The following SERPINI1 variants were observed in gnomAD, a reference collection of about 807,000 sequenced individuals.
The protein encoded by SERPINI1 is serpin family I member 1.
In SERPINI1, 19 loss-of-function variants were observed where a neutral mutation model predicts 41.1. The ratio of observed to expected loss-of-function variants is 0.46; its 90% CI spans 0.32 to 0.68. SERPINI1 has a LOEUF of 0.68. Ranked by LOEUF, SERPINI1 falls within the 30% of genes least tolerant of loss-of-function variation. The pLI, the probability that SERPINI1 is intolerant of heterozygous loss-of-function variation, is 0.03. For missense variants in SERPINI1, 460 were observed against 479.2 expected, an observed-to-expected ratio of 0.96 and a Z score of 0.37; for synonymous variants, 138 against 156.6, an observed-to-expected ratio of 0.88 and a Z score of 0.89.
chr3:167,744,292 C>T (rs1048122840), intron 1 of SERPINI1, among the ~76,000 whole-genome samples: 3 of 151,744 alleles, frequency 2.0e-5, no homozygotes, highest in Non-Finnish European at 1.5e-5. Flanking sequence ...CAGTAACTGG[C>T]GTGTAGTAAA....
chr3:167,792,046 AC>A (rs1727536626), intron 3 of SERPINI1, among the ~76,000 whole-genome samples: 1 of 152,028 alleles, frequency 6.6e-6, no homozygotes, highest in South Asian at 2.1e-4. Context: ...AATCACTTGA[AC>A]CCAGGAGACA....
chr3:167,819,625 T>A (rs752233183), intron 6 of SERPINI1, among the ~76,000 whole-genome samples: 5 of 152,238 alleles, frequency 3.3e-5, no homozygotes, highest in Admixed American at 1.3e-4. Flanking sequence ...TTAGTTGTCT[T>A]GGGGCTTATT....
intron 1 of SERPINI1, among the ~76,000 whole-genome samples, chr3:167,761,985 G>A (rs551528087): frequency 1.3e-5 from 2 of 151,994 alleles, no homozygotes; most frequent in African/African-American, 2.4e-5. Context: ...TACCTAGTAT[G>A]GTACTTTCCC....
chr3:167,800,388 A>G (rs16851481), intron 5 of SERPINI1, among the ~76,000 whole-genome samples: 1,829 of 152,292 alleles, frequency 0.012, 32 homozygotes, highest in African/African-American at 0.042. Flanking sequence ...AAGTCCTGGT[A>G]TTTACACTGT....
At chr3:167,807,888 G>T (rs187945880) in intron 6 of SERPINI1, among the ~76,000 whole-genome samples, 1 of 151,950 alleles carries the variant, frequency 6.6e-6, no homozygotes, top group East Asian at 1.9e-4. Flanking sequence ...AGGCTGAGGT[G>T]GGGGGATCAC....
intron 1 of SERPINI1, among the ~76,000 whole-genome samples, chr3:167,756,747 A>G (rs1726206039): frequency 6.6e-6 from 1 of 152,344 alleles, no homozygotes; most frequent in Admixed American, 6.5e-5. Flanking sequence ...CATAAAAGCA[A>G]TTTCTAGTCC....
chr3:167,773,211 A>G (rs1010515259), intron 1 of SERPINI1, among the ~76,000 whole-genome samples: 10 of 151,626 alleles, frequency 6.6e-5, no homozygotes, highest in African/African-American at 2.4e-4. Flanking sequence ...CATTAATTAC[A>G]CTCCCCATTC....
chr3:167,779,280 A>ACTCTC (rs1727047633), intron 1 of SERPINI1, among the ~76,000 whole-genome samples: 2 of 152,206 alleles, frequency 1.3e-5, no homozygotes, highest in African/African-American at 4.8e-5. Flanking sequence ...ATGCAAAACG[A>ACTCTC]ACACATATCA....
chr3:167,740,388 A>G (rs1725638106), intron 1 of SERPINI1, among the ~76,000 whole-genome samples: 2 of 152,188 alleles, frequency 1.3e-5, no homozygotes, highest in South Asian at 2.1e-4. Flanking sequence ...AGTTCATACT[A>G]TCTTTCTCAC....
chr3:167,746,778 A>G (rs1725874041), intron 1 of SERPINI1, among the ~76,000 whole-genome samples: 1 of 152,216 alleles, frequency 6.6e-6, no homozygotes, highest in Non-Finnish European at 1.5e-5. Context: ...ACTGGTGAGG[A>G]TGTGGGAATA....
chr3:167,750,065 AT>A (rs1725995863), intron 1 of SERPINI1, among the ~76,000 whole-genome samples: 1 of 152,208 alleles, frequency 6.6e-6, no homozygotes, highest in Non-Finnish European at 1.5e-5. Context: ...TGAATTATAT[AT>A]TTTGTTAAAG....
At chr3:167,775,562 G>A (rs891542612) in intron 1 of SERPINI1, among the ~76,000 whole-genome samples, 6 of 152,030 alleles carry the variant, frequency 3.9e-5, no homozygotes, top group Non-Finnish European at 8.8e-5. Flanking sequence ...AGTATTTTTA[G>A]ACTTTCAGGG....
At chr3:167,767,272 A>G (rs554142231) in intron 1 of SERPINI1, among the ~76,000 whole-genome samples, 1 of 152,210 alleles carries the variant, frequency 6.6e-6, no homozygotes, top group Non-Finnish European at 1.5e-5. Context: ...ATGACAGCAC[A>G]TCTGTTTTGC....
chr3:167,778,673 C>T (rs1464422808), intron 1 of SERPINI1, among the ~76,000 whole-genome samples: 1 of 152,232 alleles, frequency 6.6e-6, no homozygotes, highest in African/African-American at 2.4e-5. Context: ...AGTTTCAAAT[C>T]TTGTGACCTC....
intron 1 of SERPINI1, among the ~76,000 whole-genome samples, chr3:167,737,582 C>T (rs1465997606): frequency 6.6e-6 from 1 of 152,074 alleles, no homozygotes; most frequent in African/African-American, 2.4e-5. Flanking sequence ...TAGATTCTTT[C>T]TCAGACCCTA....
intron 5 of SERPINI1, among the ~76,000 whole-genome samples, chr3:167,798,524 A>G (rs924010359): frequency 7.2e-5 from 11 of 152,196 alleles, no homozygotes; most frequent in Admixed American, 3.9e-4. Context: ...TATGTGACCC[A>G]TTTTTAGCAA....
At chr3:167,783,852 G>A (rs1490527768) in intron 1 of SERPINI1, among the ~76,000 whole-genome samples, 1 of 152,198 alleles carries the variant, frequency 6.6e-6, no homozygotes, top group Non-Finnish European at 1.5e-5. Context: ...TCACTTAACT[G>A]TGGATAGACA....
intron 6 of SERPINI1, among the ~76,000 whole-genome samples, chr3:167,817,651 G>T (rs1170599982): frequency 2.6e-5 from 4 of 151,938 alleles, no homozygotes; most frequent in Non-Finnish European, 5.9e-5. Context: ...AGGCTCGAGT[G>T]CAGTGGCCGG....
chr3:167,805,217 C>T (rs1022365344), intron 5 of SERPINI1, among the ~76,000 whole-genome samples: 2 of 152,074 alleles, frequency 1.3e-5, no homozygotes, highest in African/African-American at 4.8e-5. Flanking sequence ...CTGTTGTTTC[C>T]TGACTTTTTA....
Sources: gnomAD v4.1 joint callset for allele counts (sites outside exome capture counted in the v4.1 genomes callset) on GRCh38, gnomAD v4.1.1 for gene constraint, MANE v1.5 for transcripts, NCBI Gene and HGNC (gene_info 2026-07-23, HGNC 2026-07-21) for gene names.